The following LINC00305 variants were observed in gnomAD, a reference collection of about 807,000 sequenced individuals.
The protein encoded by LINC00305 is long intergenic non-protein coding RNA 305.
intron 1 of LINC00305, among the ~76,000 whole-genome samples, chr18:64,121,479 A>T (rs1230372502): frequency 6.6e-6 from 1 of 152,126 alleles, no homozygotes; most frequent in Non-Finnish European, 1.5e-5. Flanking sequence ...TTCACTTAAA[A>T]TAATGGCCTC....
chr18:64,142,912 A>T (rs1032141905), intron 1 of LINC00305, among the ~76,000 whole-genome samples: 2 of 152,226 alleles, frequency 1.3e-5, no homozygotes, highest in African/African-American at 4.8e-5. Flanking sequence ...ATACTGCAAC[A>T]TAGATGAACT....
At chr18:64,112,329 A>G (rs2051318284) in intron 1 of LINC00305, among the ~76,000 whole-genome samples, 3 of 132,286 alleles carry the variant, frequency 2.3e-5, no homozygotes, top group Non-Finnish European at 3.4e-5. Context: ...CATTTTGCAC[A>G]TTGCTCAAAA....
intron 3 of LINC00305, among the ~76,000 whole-genome samples, chr18:64,094,020 G>A (rs545185759): frequency 2.0e-5 from 3 of 152,280 alleles, no homozygotes; most frequent in African/African-American, 4.8e-5. Flanking sequence ...ATTCTGGATC[G>A]GGGAATGCAA....
At chr18:64,114,111 T>C (rs1434461811) in intron 1 of LINC00305, among the ~76,000 whole-genome samples, 1 of 151,674 alleles carries the variant, frequency 6.6e-6, no homozygotes, top group Non-Finnish European at 1.5e-5. Flanking sequence ...CTACTGAAAA[T>C]ACAAAAAAAT....
chr18:64,087,951 A>G (rs1474157560), intron 3 of LINC00305, among the ~76,000 whole-genome samples: 1 of 151,948 alleles, frequency 6.6e-6, no homozygotes, highest in East Asian at 1.9e-4. Flanking sequence ...AAAACAAAAC[A>G]AACAGACAAA....
chr18:64,098,586 T>C, exon 2 of LINC00305: 1 of 449,286 alleles, frequency 2.2e-6, no homozygotes, highest in Non-Finnish European at 4.5e-6. Flanking sequence ...CCATGTATAA[T>C]GCACAGTCTA....
intron 1 of LINC00305, among the ~76,000 whole-genome samples, chr18:64,121,784 T>G (rs1315834712): frequency 6.6e-6 from 1 of 152,126 alleles, no homozygotes; most frequent in African/African-American, 2.4e-5. Flanking sequence ...TCCATAGAGG[T>G]TGTACTAATT....
intron 1 of LINC00305, among the ~76,000 whole-genome samples, chr18:64,136,451 G>C (rs771037904): frequency 6.6e-6 from 1 of 152,160 alleles, no homozygotes; most frequent in Non-Finnish European, 1.5e-5. Flanking sequence ...GAGAATGAGA[G>C]TGGAGAGAAG....
intron 1 of LINC00305, among the ~76,000 whole-genome samples, chr18:64,120,107 G>T (rs2144258056): frequency 6.6e-6 from 1 of 152,086 alleles, no homozygotes; most frequent in East Asian, 1.9e-4. Context: ...TAGATTTATG[G>T]CCACCAGAGG....
intron 3 of LINC00305, among the ~76,000 whole-genome samples, chr18:64,092,798 T>A (rs942650961): frequency 2.0e-5 from 3 of 152,176 alleles, no homozygotes; most frequent in African/African-American, 7.2e-5. Flanking sequence ...AGAGGGAAAG[T>A]CATTTAAAAT....
At chr18:64,098,506 A>G (rs1167001074) in intron 2 of LINC00305, 1 of 422,054 alleles carries the variant, frequency 2.4e-6, no homozygotes, top group East Asian at 7.1e-5. Flanking sequence ...ATTATGAGAA[A>G]CTCTATAAAT....
intron 1 of LINC00305, among the ~76,000 whole-genome samples, chr18:64,141,910 A>G (rs1184670546): frequency 6.6e-6 from 1 of 152,228 alleles, no homozygotes; most frequent in African/African-American, 2.4e-5. Context: ...TATTTATGGC[A>G]TGTTTAAGGC....
chr18:64,115,026 T>G (rs1192947475), intron 1 of LINC00305, among the ~76,000 whole-genome samples: 1 of 152,220 alleles, frequency 6.6e-6, no homozygotes, highest in Non-Finnish European at 1.5e-5. Flanking sequence ...TGCACCCATT[T>G]GTCGTCAGCC....
intron 1 of LINC00305, among the ~76,000 whole-genome samples, chr18:64,126,308 A>C (rs1337917882): frequency 3.3e-5 from 5 of 151,978 alleles, no homozygotes; most frequent in Non-Finnish European, 7.4e-5. Flanking sequence ...TTCCTTTATT[A>C]TTTTCTATAT....
intron 3 of LINC00305, among the ~76,000 whole-genome samples, chr18:64,091,929 C>T (rs1319281074): frequency 6.6e-6 from 1 of 152,184 alleles, no homozygotes; most frequent in Non-Finnish European, 1.5e-5. Context: ...TAAGTAGAGA[C>T]TATCTGCCCT....
intron 1 of LINC00305, among the ~76,000 whole-genome samples, chr18:64,148,171 T>C (rs2051507200): frequency 6.6e-6 from 1 of 152,030 alleles, no homozygotes; most frequent in Non-Finnish European, 1.5e-5. Flanking sequence ...GAAGTCTTTA[T>C]TGCAGTCTCT....
intron 1 of LINC00305, among the ~76,000 whole-genome samples, chr18:64,115,824 G>A (rs2051335089): frequency 6.6e-6 from 1 of 152,108 alleles, no homozygotes; most frequent in Admixed American, 6.5e-5. Flanking sequence ...TTGCAACTCA[G>A]AACTGTCTTT....
chr18:64,114,079 C>A (rs1231766608), intron 1 of LINC00305, among the ~76,000 whole-genome samples: 2 of 152,134 alleles, frequency 1.3e-5, no homozygotes, highest in Non-Finnish European at 2.9e-5. Context: ...ACGATCCTGG[C>A]TAACTCGGTG....
chr18:64,097,352 C>T (rs1410062281), intron 3 of LINC00305, among the ~76,000 whole-genome samples: 3 of 151,880 alleles, frequency 2.0e-5, no homozygotes, highest in African/African-American at 4.8e-5. Context: ...AAGAGTCTGC[C>T]CCACCACTGG....
Sources: gnomAD v4.1 joint callset for allele counts (sites outside exome capture counted in the v4.1 genomes callset) on GRCh38, gnomAD v4.1.1 for gene constraint, MANE v1.5 for transcripts, NCBI Gene and HGNC (gene_info 2026-07-23, HGNC 2026-07-21) for gene names.